The following ATP9B variants were observed in gnomAD, a reference collection of about 807,000 sequenced individuals.
The protein encoded by ATP9B is probable phospholipid-transporting ATPase IIB.
ATP9B carries 110 observed loss-of-function variants against 146.1 expected under a neutral mutation model. That is an observed-to-expected ratio of 0.75 (90% CI 0.65 to 0.88). The LOEUF is 0.88. Among genes scored for constraint, ATP9B ranks in the 40% least tolerant of loss-of-function variants. The pLI, the probability that ATP9B is intolerant of heterozygous loss-of-function variation, is 0.00. For missense variants in ATP9B, 1,499 were observed against 1,496.4 expected (o/e 1.00, Z -0.03); for synonymous variants, 604 against 569.7 (o/e 1.06, Z -0.86).
chr18:79,137,174 GTC>G (rs756715255), intron 5 of ATP9B, among the ~76,000 whole-genome samples: 11 of 152,090 alleles, frequency 7.2e-5, no homozygotes, highest in Non-Finnish European at 1.6e-4. Flanking sequence ...TATCCTTCAT[GTC>G]TCTCACTTTC....
At chr18:79,109,793 TA>T (rs1365101171) in intron 2 of ATP9B, among the ~76,000 whole-genome samples, 3 of 152,248 alleles carry the variant, frequency 2.0e-5, no homozygotes, top group African/African-American at 7.2e-5. Flanking sequence ...CTTGAACTCC[TA>T]ACCTCAGGTG....
chr18:79,183,532 T>C (rs571798630), intron 8 of ATP9B, among the ~76,000 whole-genome samples: 83 of 152,154 alleles, frequency 5.5e-4, no homozygotes, highest in Non-Finnish European at 9.3e-4. Flanking sequence ...TCTGCTAAAG[T>C]TTGTTAATAA....
chr18:79,308,743 G>A (rs1176922123), intron 15 of ATP9B, among the ~76,000 whole-genome samples: 1 of 108,342 alleles, frequency 9.2e-6, no homozygotes, highest in African/African-American at 4.2e-5. Flanking sequence ...AGAAGGTCAG[G>A]GGCTGAGGAG....
chr18:79,082,245 G>A (rs1283529690), intron 1 of ATP9B, among the ~76,000 whole-genome samples: 4 of 151,866 alleles, frequency 2.6e-5, no homozygotes, highest in African/African-American at 7.3e-5. Context: ...TGTGTTTTTC[G>A]GCTCCATCAG....
chr18:79,158,599 ATTGT>A (rs2094831277), intron 7 of ATP9B, among the ~76,000 whole-genome samples: 1 of 152,108 alleles, frequency 6.6e-6, no homozygotes, highest in Admixed American at 6.6e-5. Context: ...GGCCTGATTC[ATTGT>A]TTATTAATGA....
At chr18:79,108,512 G>T (rs2146955033) in intron 2 of ATP9B, among the ~76,000 whole-genome samples, 1 of 152,262 alleles carries the variant, frequency 6.6e-6, no homozygotes, top group South Asian at 2.1e-4. Flanking sequence ...TGGGTTTATT[G>T]TTTCAAAAGT....
intron 11 of ATP9B, among the ~76,000 whole-genome samples, chr18:79,235,623 C>T (rs1255891179): frequency 6.8e-6 from 1 of 146,970 alleles, no homozygotes; most frequent in South Asian, 2.1e-4. Flanking sequence ...AAACGAGCAC[C>T]CACTCATGGT....
At chr18:79,252,586 G>A (rs983178214) in intron 11 of ATP9B, among the ~76,000 whole-genome samples, 1 of 152,168 alleles carries the variant, frequency 6.6e-6, no homozygotes, top group Non-Finnish European at 1.5e-5. Context: ...AGAGCTGCTT[G>A]GGTTGCTAGT....
At chr18:79,167,219 A>C (rs898939577) in intron 7 of ATP9B, among the ~76,000 whole-genome samples, 1 of 152,124 alleles carries the variant, frequency 6.6e-6, no homozygotes, top group Admixed American at 6.5e-5. Flanking sequence ...TGTTTGTGCT[A>C]CAGCTCTTTC....
chr18:79,196,156 G>A (rs1272375354), intron 9 of ATP9B, among the ~76,000 whole-genome samples: 1 of 152,216 alleles, frequency 6.6e-6, no homozygotes, highest in African/African-American at 2.4e-5. Context: ...GCCTTTCCAG[G>A]AGGCTCAGGG....
chr18:79,240,478 G>C (rs1452462393), intron 11 of ATP9B, among the ~76,000 whole-genome samples: 1 of 152,246 alleles, frequency 6.6e-6, no homozygotes, highest in Non-Finnish European at 1.5e-5. Context: ...CCGGACACAG[G>C]CTCACGCCTG....
chr18:79,350,707 G>T (rs1254079158), intron 25 of ATP9B, among the ~76,000 whole-genome samples: 1 of 151,550 alleles, frequency 6.6e-6, no homozygotes, highest in Non-Finnish European at 1.5e-5. Flanking sequence ...TACAATAAGT[G>T]CTAACGCTTT....
intron 10 of ATP9B, among the ~76,000 whole-genome samples, chr18:79,210,092 A>C (rs2095570307): frequency 6.6e-6 from 1 of 152,212 alleles, no homozygotes; most frequent in Admixed American, 6.5e-5. Flanking sequence ...AGGCAGATGC[A>C]GCAGACGAGA....
chr18:79,251,265 C>T (rs2096020454), intron 11 of ATP9B, among the ~76,000 whole-genome samples: 1 of 152,218 alleles, frequency 6.6e-6, no homozygotes, highest in African/African-American at 2.4e-5. Context: ...GTCATGGAAC[C>T]CACACTCGGC....
intron 9 of ATP9B, among the ~76,000 whole-genome samples, chr18:79,199,632 A>G (rs944293843): frequency 1.3e-5 from 2 of 151,972 alleles, no homozygotes; most frequent in Non-Finnish European, 2.9e-5. Context: ...GCGTGGTGGC[A>G]CATGCCTGTA....
At chr18:79,322,131 G>T (rs4799033) in intron 15 of ATP9B, among the ~76,000 whole-genome samples, 1 of 151,790 alleles carries the variant, frequency 6.6e-6, no homozygotes. Flanking sequence ...GGAGTGTATC[G>T]CTGATGCCCT....
At chr18:79,244,901 C>T in intron 11 of ATP9B, among the ~76,000 whole-genome samples, 1 of 152,164 alleles carries the variant, frequency 6.6e-6, no homozygotes, top group Non-Finnish European at 1.5e-5. Flanking sequence ...TTTATGACTC[C>T]TAGTAAGAGA....
intron 6 of ATP9B, chr18:79,144,957 T>G: frequency 4.5e-6 from 1 of 222,880 alleles, no homozygotes; most frequent in South Asian, 5.8e-5. Flanking sequence ...AAGAAAAACA[T>G]CAAAGGTCCA....
intron 9 of ATP9B, among the ~76,000 whole-genome samples, chr18:79,193,567 A>C (rs533183381): frequency 6.6e-6 from 1 of 152,218 alleles, no homozygotes; most frequent in Admixed American, 6.5e-5. Flanking sequence ...TTGGTATACT[A>C]TCTTATCCAC....
Sources: gnomAD v4.1 joint callset for allele counts (sites outside exome capture counted in the v4.1 genomes callset) on GRCh38, gnomAD v4.1.1 for gene constraint, MANE v1.5 for transcripts, NCBI Gene and HGNC (gene_info 2026-07-23, HGNC 2026-07-21) for gene names.